ADAMTS3: variants seen among roughly 807,000 people sequenced by gnomAD.
ADAMTS3 encodes the protein A disintegrin and metalloproteinase with thrombospondin motifs 3.
Under a neutral mutation model 129.0 loss-of-function variants are expected in ADAMTS3, and 73 were observed. That is an observed-to-expected ratio of 0.57 (90% CI 0.47 to 0.69). ADAMTS3 has a LOEUF of 0.69. Ranked by LOEUF, ADAMTS3 falls within the 30% of genes least tolerant of loss-of-function variation. The probability of loss-of-function intolerance (pLI) is 0.00; values close to 1 mark genes in which losing one functional copy is unlikely to be tolerated. For missense variants in ADAMTS3, 1,457 were observed against 1,514.5 expected (o/e 0.96, Z 0.63); for synonymous variants, 477 against 510.8 (o/e 0.93, Z 0.89).
rs114394749 is a variant in ADAMTS3 at position 72,453,443 on chromosome 4, C to T, written c.505-38472G>A. On this transcript the variant is annotated intron_variant, in intron 3 of 21. Coordinates refer to ENST00000286657, the MANE Select transcript of ADAMTS3 (RefSeq NM_014243.3). ...ACATATATTAAGACATGCAAACTAC[C>T]CAACAATCCAGCAAGTCAGTACTAT... Among the ~76,000 whole-genome samples, 479 of 151,796 alleles carry T rather than the reference C, an allele frequency of 3.2e-3. 1 individual carries two copies. The highest frequency in any genetic ancestry group is 5.4e-3 in the Non-Finnish European group (368 of 67,810).
At chr4:72,494,314 C>T (rs1578732375) in intron 3 of ADAMTS3, among the ~76,000 whole-genome samples, 1 of 152,022 alleles carries the variant, frequency 6.6e-6, no homozygotes, top group African/African-American at 2.4e-5. Flanking sequence ...CATGGGTCCT[C>T]ACATTTTTAG....
chr4:72,378,798 G>T (rs1485257730), intron 4 of ADAMTS3, among the ~76,000 whole-genome samples: 6 of 152,092 alleles, frequency 3.9e-5, no homozygotes, highest in Non-Finnish European at 8.8e-5. Context: ...AGATGGTCAG[G>T]CCTCAATTGT....
intron 6 of ADAMTS3, 73 bp downstream of exon 6, chr4:72,322,941 G>A: frequency 8.3e-7 from 1 of 1,200,314 alleles, no homozygotes; most frequent in Non-Finnish European, 1.2e-6. Flanking sequence ...GTTAGATGTA[G>A]CTTGAACAAT....
chr4:72,371,470 TAAATA>T (rs1169797245), intron 4 of ADAMTS3, among the ~76,000 whole-genome samples: 1 of 106,108 alleles, frequency 9.4e-6, no homozygotes, highest in Non-Finnish European at 2.2e-5. Context: ...AATAAATAAA[TAAATA>T]AAGTAGATGC....
At chr4:72,452,259 CATGTT>C (rs1444472341) in intron 3 of ADAMTS3, among the ~76,000 whole-genome samples, 3 of 151,420 alleles carry the variant, frequency 2.0e-5, no homozygotes, top group Non-Finnish European at 3.0e-5. Context: ...TAGCAATAGA[CATGTT>C]ATAATACGTA....
chr4:72,346,970 A>C (rs1392407373), intron 4 of ADAMTS3, among the ~76,000 whole-genome samples: 1 of 152,152 alleles, frequency 6.6e-6, no homozygotes. Flanking sequence ...AGATGTTCAA[A>C]TGGCTTAAAT....
At chr4:72,318,846 G>T in intron 9 of ADAMTS3, 142 bp from the exon 10 acceptor site, 1 of 768,448 alleles carries the variant, frequency 1.3e-6, no homozygotes, top group Non-Finnish European at 2.0e-6. Flanking sequence ...ATGTATTTAA[G>T]GTTTTGGTTT....
chr4:72,439,376 G>T (rs1257635436), intron 3 of ADAMTS3, among the ~76,000 whole-genome samples: 1 of 151,574 alleles, frequency 6.6e-6, no homozygotes, highest in Non-Finnish European at 1.5e-5. Context: ...TGACATTCAA[G>T]TGCCAAGCCA....
At chr4:72,568,580 TAACAG>T in intron 1 of ADAMTS3, 109 bp downstream of exon 1, 1 of 829,306 alleles carries the variant, frequency 1.2e-6, no homozygotes. Flanking sequence ...ACGCAAAAGA[TAACAG>T]GGAAGGGTGG....
rs113236196 is a variant in ADAMTS3, at chr4:72,526,646, C to T, written c.504+21832G>A. Among the ~76,000 whole-genome samples the T allele has an allele frequency of 8.5e-3, 971 of 114,428 alleles. 21 individuals are homozygous for T. Among genetic ancestry groups the T allele is most frequent in the African/African-American group, 0.03 (914 of 30,832 alleles). The allele number at this position is 114,428 out of a possible 152,430, so 75.1% of individuals were successfully genotyped here. A position where few individuals can be genotyped will look rare whatever the true frequency, so the allele number is the denominator to read the frequency against. On this transcript the variant is annotated intron_variant, in intron 3 of 21. Transcript: ENST00000286657. ...TTTTGCTGTGTACACATCAAAATACCCAGAAGGACTTTTATATAACCATAT... is the reference window on the plus strand; with the variant it reads ...TTTTGCTGTGTACACATCAAAATACTCAGAAGGACTTTTATATAACCATAT...
chr4:72,353,159 C>G (rs372803674), intron 4 of ADAMTS3, among the ~76,000 whole-genome samples: 1 of 151,884 alleles, frequency 6.6e-6, no homozygotes, highest in Non-Finnish European at 1.5e-5. Flanking sequence ...TACTTGTATT[C>G]AATGATAACA....
intron 2 of ADAMTS3, among the ~76,000 whole-genome samples, chr4:72,563,497 G>A (rs918398739): frequency 1.3e-5 from 2 of 152,050 alleles, no homozygotes; most frequent in African/African-American, 4.8e-5. Flanking sequence ...CAAGTAGGCT[G>A]TAGTTAAAAA....
chr4:72,292,814 G>T (rs1316287244), intron 19 of ADAMTS3, among the ~76,000 whole-genome samples: 1 of 152,070 alleles, frequency 6.6e-6, no homozygotes, highest in Non-Finnish European at 1.5e-5. Context: ...GCAGTCTTTG[G>T]TATTCACAGT....
At chr4:72,346,199 C>T (rs1346099396) in intron 4 of ADAMTS3, among the ~76,000 whole-genome samples, 1 of 152,130 alleles carries the variant, frequency 6.6e-6, no homozygotes, top group Non-Finnish European at 1.5e-5. Flanking sequence ...CAGGTAAAAA[C>T]CTTTCCTAGA....
At chr4:72,536,539 G>T (rs1360330362) in intron 3 of ADAMTS3, among the ~76,000 whole-genome samples, 2 of 152,128 alleles carry the variant, frequency 1.3e-5, no homozygotes, top group Admixed American at 6.5e-5. Flanking sequence ...TTTCCTAAGG[G>T]CCAGGCTGTG....
chr4:72,426,547 T>C lies in ADAMTS3; in HGVS notation c.505-11576A>G, dbSNP rs533066411. 3.3e-5 allele frequency among the ~76,000 whole-genome samples: 5 copies of C among 152,230 alleles called. No individual in the cohort carries two copies. The East Asian group carries it at 7.7e-4, about 24-fold the overall frequency. ...GCTTTCTGTTATTTATTTCCTTTCA[T>C]TGATTTGTAAAATATAAAAGCAAAT... is the stretch of plus-strand genomic sequence containing the variant. On this transcript the variant is annotated intron_variant, in intron 3 of 21. Coordinates refer to ENST00000286657, the MANE Select transcript of ADAMTS3 (RefSeq NM_014243.3).
intron 5 of ADAMTS3, among the ~76,000 whole-genome samples, chr4:72,330,170 C>T (rs562200980): frequency 6.6e-6 from 1 of 152,152 alleles, no homozygotes; most frequent in Admixed American, 6.5e-5. Flanking sequence ...AGGTGCACAC[C>T]ACCACACCTG....
At chr4:72,347,934 T>C (rs1720330760) in intron 4 of ADAMTS3, among the ~76,000 whole-genome samples, 1 of 151,972 alleles carries the variant, frequency 6.6e-6, no homozygotes, top group Admixed American at 6.6e-5. Context: ...TATGCAACTT[T>C]AGTAAGGATA....
chr4:72,516,753 T>C (rs2109733672), intron 3 of ADAMTS3, among the ~76,000 whole-genome samples: 1 of 152,198 alleles, frequency 6.6e-6, no homozygotes, highest in Admixed American at 6.5e-5. Context: ...CAATGGGGTT[T>C]TCTAGATATA....
Sources: allele counts gnomAD v4.1 joint callset (sites outside exome capture counted in the v4.1 genomes callset), GRCh38; gene constraint gnomAD v4.1.1; transcripts MANE v1.5; gene names NCBI Gene and HGNC (gene_info 2026-07-23, HGNC 2026-07-21).